Variants in PACS2 observed in about 807,000 individuals in gnomAD.
The protein encoded by PACS2 is PACS1-like protein.
A neutral mutation model predicts 113.0 loss-of-function variants in PACS2; 36 were observed. The ratio of observed to expected loss-of-function variants is 0.32; its 90% CI spans 0.24 to 0.42. The LOEUF is 0.42. Among genes scored for constraint, PACS2 ranks in the 10% least tolerant of loss-of-function variants. The pLI is 1.00. For missense variants in PACS2, 1,015 were observed against 1,239.5 expected (o/e 0.82, Z 2.72); for synonymous variants, 589 against 536.1 (o/e 1.10, Z -1.36).
intron 18 of PACS2, 57 bp downstream of exon 18, chr14:105,385,044 G>T (rs1037158614): frequency 1.8e-6 from 2 of 1,095,318 alleles, no homozygotes; most frequent in East Asian, 5.2e-5. Flanking sequence ...CCAACCCTCC[G>T]TGGGCCTCCC....
At chr14:105,342,952 G>GA (rs2059789866) in intron 1 of PACS2, among the ~76,000 whole-genome samples, 1 of 141,880 alleles carries the variant, frequency 7.0e-6, no homozygotes, top group Admixed American at 7.0e-5. Flanking sequence ...AAAAAAAAAA[G>GA]ACAGTATTGT....
intron 1 of PACS2, among the ~76,000 whole-genome samples, chr14:105,307,872 T>C (rs752302169): frequency 6.6e-6 from 1 of 152,156 alleles, no homozygotes; most frequent in South Asian, 2.1e-4. Context: ...GAGGCTCCAG[T>C]CCACCTTCCA....
At position 105,340,524 on chromosome 14, in the gene PACS2, G is replaced by A. The variant is rs1555401373; in HGVS notation, c.120-7969G>A. Among the ~76,000 whole-genome samples the A allele has an allele frequency of 1.3e-5, 2 of 152,166 alleles. No homozygotes were observed. The highest frequency in any genetic ancestry group is 2.4e-5 in the African/African-American group (1 of 41,436). On this transcript the variant is annotated intron_variant, in intron 1 of 24. Coordinates refer to ENST00000447393, the MANE Select transcript of PACS2 (RefSeq NM_001100913.3). This position sits in a 1 kb window ranked among gnomAD's most constrained non-coding sequence, Gnocchi z 4.2. ...CAGCCATCAGATTCTCATAAGCAGC[G>A]TGCAGCCTGGATCCCTCGCGTGCAC...
At chr14:105,316,898 G>T (rs1302089587) in intron 1 of PACS2, among the ~76,000 whole-genome samples, 1 of 150,676 alleles carries the variant, frequency 6.6e-6, no homozygotes, top group Non-Finnish European at 1.5e-5. Context: ...ATGGGCGGAG[G>T]GGCGAGTGGC....
intron 8 of PACS2, chr14:105,370,125 T>G (rs2061096987): frequency 4.3e-6 from 2 of 466,432 alleles, no homozygotes; most frequent in Non-Finnish European, 7.6e-6. Flanking sequence ...GTGAATACCC[T>G]GGAAGTCGGA....
At chr14:105,344,935 G>A (rs965672055) in intron 1 of PACS2, among the ~76,000 whole-genome samples, 1 of 151,724 alleles carries the variant, frequency 6.6e-6, no homozygotes, top group Non-Finnish European at 1.5e-5. Context: ...TGGTGAAATC[G>A]TGTCTCCACC....
rs1555406520 is a variant in PACS2 at position 105,361,740 on chromosome 14, G to A, written c.424-5473G>A. Reference sequence around the variant, plus strand: ...CAAGGCGGGCAGGTCACCTGAGGTCGGGAGCTCGAGACCAGCCTGACCAAC... The same window carrying A: ...CAAGGCGGGCAGGTCACCTGAGGTCAGGAGCTCGAGACCAGCCTGACCAAC... On this transcript the variant is annotated intron_variant, in intron 4 of 24. Transcript: ENST00000447393. Among the ~76,000 whole-genome samples, 8 of 151,286 alleles carry A rather than the reference G, an allele frequency of 5.3e-5. No homozygotes were observed. The South Asian group carries it at 1.1e-3, about 20-fold the overall frequency.
rs782784325 is a variant in PACS2 at position 105,394,568 on chromosome 14, G to A, written c.2611G>A (p.Val871Met). The change falls in exon 25 of 25, where the codon GTG (valine) becomes ATG (methionine). Residue 871 changes from valine to methionine, a missense_variant. Val to Met is a conservative substitution (Grantham distance 21). Around this residue, in one of 3 missense-constraint regions of PACS2, gnomAD observed 859 missense variants for 1,056.8 expected, o/e 0.81. Transcript: ENST00000447393. ...CTCTCCCACAGTCCTCATCGACGGC[G>A]TGGAGTGCAGCGACGTCAAGTTCTT... Reference protein sequence around the residue: ...QNMLRVLIDGVECSDVKFFQL... With the variant: ...QNMLRVLIDGMECSDVKFFQL... 8 of 1,613,030 alleles carry A rather than the reference G, an allele frequency of 5.0e-6. No homozygotes were observed. The highest frequency in any genetic ancestry group is 5.9e-6 in the Non-Finnish European group (7 of 1,179,898).
Position 105,348,444 on chromosome 14 carries a change from C to T in PACS2, c.120-49C>T. On this transcript the variant is annotated intron_variant, in intron 1 of 24. Transcript: ENST00000447393. The surrounding 1 kb of genome is among the most constrained non-coding windows in gnomAD (Gnocchi z 6.4). Reference sequence around the variant, plus strand: ...GTGCTGGGACGGCACAGGGCCGCGTCCTGAGGAGAGGGCGGAGCCCCGAGG... The same window carrying T: ...GTGCTGGGACGGCACAGGGCCGCGTTCTGAGGAGAGGGCGGAGCCCCGAGG... The T allele has an allele frequency of 6.9e-7, 1 of 1,442,588 alleles. No homozygotes were observed. The highest frequency in any genetic ancestry group is 9.7e-7 in the Non-Finnish European group (1 of 1,030,020). 89.4% of individuals were successfully genotyped at this position (1,442,588 alleles called of 1,614,324 possible). A position where few individuals can be genotyped will look rare whatever the true frequency, so the allele number is the denominator to read the frequency against.
intron 2 of PACS2, among the ~76,000 whole-genome samples, chr14:105,350,045 C>T (rs192082309): frequency 6.7e-6 from 1 of 149,776 alleles, no homozygotes; most frequent in Non-Finnish European, 1.5e-5. Context: ...AATAGCAGGA[C>T]CCCAAGAACT....
chr14:105,348,560 G>A lies in PACS2; in HGVS notation c.187G>A (p.Val63Met). Residue 63 changes from valine (V) to methionine (M), a missense_variant, in exon 2 of 25, where the codon GTG (valine) becomes ATG (methionine). Coordinates refer to ENST00000447393, the MANE Select transcript of PACS2 (RefSeq NM_001100913.3). The surrounding 1 kb of genome is among the most constrained non-coding windows in gnomAD (Gnocchi z 6.4). ...GCTGGAGAAGGAGCTGATCTCCGTGGTGATCGCTGTCAAGATGCAGGTGAG... is the reference window on the plus strand; with the variant it reads ...GCTGGAGAAGGAGCTGATCTCCGTGATGATCGCTGTCAAGATGCAGGTGAG... ...KELEKELISV[V>M]IAVKMQGSKR... The A allele has an allele frequency of 6.2e-7, 1 of 1,612,006 alleles. No individual in the cohort carries two copies.
chr14:105,349,449 T>C (rs2060073281), intron 2 of PACS2, among the ~76,000 whole-genome samples: 1 of 152,218 alleles, frequency 6.6e-6, no homozygotes, highest in South Asian at 2.1e-4. Context: ...TTGGAGCCCA[T>C]GTCCAAGGCC....
In PACS2 at chr14:105,356,361, C is replaced by T. The variant is rs987154485; in HGVS notation, c.423+1184C>T. 2.0e-5 allele frequency among the ~76,000 whole-genome samples: 3 copies of T among 152,172 alleles called. No homozygotes were observed. Among genetic ancestry groups the T allele is most frequent in the Admixed American group, 6.5e-5 (1 of 15,278 alleles). On this transcript the variant is annotated intron_variant, in intron 4 of 24. Coordinates refer to ENST00000447393, the MANE Select transcript of PACS2 (RefSeq NM_001100913.3). This position sits in a 1 kb window ranked among gnomAD's most constrained non-coding sequence, Gnocchi z 4.0. ...GTGGCGTCCCGAGGCCTCGCTTCTC[C>T]GTGCCGCCGCAGGGCCTCAGACAAG... is the stretch of plus-strand genomic sequence containing the variant.
chr14:105,374,937 G>C (rs782763230), intron 8 of PACS2: 1 of 152,156 alleles, frequency 6.6e-6, no homozygotes, highest in Admixed American at 6.5e-5. Context: ...ATTGAGCTGC[G>C]AGCCGCGGTT....
Position 105,352,420 on chromosome 14 carries a change from C to T in PACS2, c.250C>T (p.Pro84Ser), listed in dbSNP as rs782523522. 1.2e-6 allele frequency: 2 copies of T among 1,613,118 alleles called. No homozygotes were observed. The highest frequency in any genetic ancestry group is 2.2e-5 in the South Asian group (2 of 91,076). ...ILRSHEIVLP[P>S]SGQVETDLAL... ...GCGGTCCCATGAGATTGTGCTGCCCCCCAGTGGACAAGTGGAGACAGACCT... is the reference window on the plus strand; with the variant it reads ...GCGGTCCCATGAGATTGTGCTGCCCTCCAGTGGACAAGTGGAGACAGACCT... Residue 84 changes from proline to serine, a missense_variant, in exon 3 of 25, where the codon CCC becomes TCC. By Grantham distance (74) the Pro-to-Ser change is moderately conservative. This residue lies in a region of PACS2 where 140 missense variants were observed against 135.1 expected (regional missense o/e 1.04). Transcript: ENST00000447393.
intron 1 of PACS2, among the ~76,000 whole-genome samples, chr14:105,321,772 G>A (rs2058896632): frequency 6.6e-6 from 1 of 151,652 alleles, no homozygotes; most frequent in Non-Finnish European, 1.5e-5. Context: ...ATCTAGTAAT[G>A]CTTTTTGTCT....
intron 3 of PACS2, among the ~76,000 whole-genome samples, chr14:105,353,374 G>GC (rs1316513343): frequency 1.5e-5 from 2 of 132,380 alleles, no homozygotes; most frequent in African/African-American, 3.1e-5. Context: ...TGGGGTGATG[G>GC]CCCCCCCTCA....
rs587621908 is a variant in PACS2 at position 105,317,426 on chromosome 14, G to C, written c.119+2389G>C. Among the ~76,000 whole-genome samples the C allele has an allele frequency of 1.8e-4, 27 of 152,286 alleles. 1 individual carries two copies. The South Asian group carries it at 4.4e-3, about 25-fold the overall frequency. ...CTGGGCAGTTTTCCAGAGTGGTTGT[G>C]CCTGCTCCGGCCCCCACTGACAGGG... On this transcript the variant is annotated intron_variant, in intron 1 of 24. Transcript: ENST00000447393. This position sits in a 1 kb window ranked among gnomAD's most constrained non-coding sequence, Gnocchi z 4.2.
At chr14:105,352,263 C>T in intron 2 of PACS2, 115 bp from the exon 3 acceptor site, 1 of 719,372 alleles carries the variant, frequency 1.4e-6, no homozygotes, top group Non-Finnish European at 2.5e-6. Flanking sequence ...CTACCACCCC[C>T]AGACTGCAGG....
Sources: gnomAD v4.1 joint callset for allele counts (sites outside exome capture counted in the v4.1 genomes callset) on GRCh38, gnomAD v4.1.1 for gene constraint, gnomAD v4.1.1 regional missense constraint, Gnocchi (gnomAD v3.1) non-coding constraint, MANE v1.5 for transcripts, NCBI Gene and HGNC (gene_info 2026-07-23, HGNC 2026-07-21) for gene names.